Variants in SKAP2 observed in about 807,000 individuals in gnomAD.
The protein encoded by SKAP2 is src kinase associated phosphoprotein 2, also known as src kinase-associated phosphoprotein 2.
SKAP2 carries 28 observed loss-of-function variants against 54.9 expected under a neutral mutation model. The ratio of observed to expected loss-of-function variants is 0.51; its 90% confidence interval spans 0.38 to 0.70. SKAP2 has a LOEUF of 0.70. Ranked by LOEUF, SKAP2 falls within the 30% of genes least tolerant of loss-of-function variation. SKAP2 has a pLI of 0.00. For synonymous variants in SKAP2, 137 were observed against 134.3 expected (o/e 1.02, Z -0.14); for missense variants, 356 against 424.1 (o/e 0.84, Z 1.41).
chr7:26,706,119 AGATT>A (rs765201543), intron 9 of SKAP2, among the ~76,000 whole-genome samples: 61 of 152,306 alleles, frequency 4.0e-4, no homozygotes, highest in Admixed American at 1.3e-3. Flanking sequence ...TCTAACAAAT[AGATT>A]AACTGTCTCC....
chr7:26,716,105 A>C (rs1787428668), intron 9 of SKAP2, among the ~76,000 whole-genome samples: 1 of 152,214 alleles, frequency 6.6e-6, no homozygotes, highest in Non-Finnish European at 1.5e-5. Flanking sequence ...GTACTGAATG[A>C]ACAAATATTC....
At chr7:26,842,994 A>G (rs912835792) in intron 4 of SKAP2, among the ~76,000 whole-genome samples, 3 of 152,016 alleles carry the variant, frequency 2.0e-5, no homozygotes, top group Non-Finnish European at 2.9e-5. Context: ...TTCTGGATAT[A>G]AAAAAAGATT....
chr7:26,692,910 C>CA (rs1491309843), intron 9 of SKAP2, among the ~76,000 whole-genome samples: 2 of 152,124 alleles, frequency 1.3e-5, no homozygotes, highest in Non-Finnish European at 2.9e-5. Context: ...CCATAGCACC[C>CA]ACTCCCCTTT....
intron 4 of SKAP2, among the ~76,000 whole-genome samples, chr7:26,759,457 C>A (rs1782875645): frequency 6.6e-6 from 1 of 152,154 alleles, no homozygotes; most frequent in South Asian, 2.1e-4. Flanking sequence ...AATCCCTCTT[C>A]ATCTGCTTGA....
At position 26,762,489 on chromosome 7, in the gene SKAP2, CAT is replaced by C. The variant is rs1253628052; in HGVS notation, c.308-22527_308-22526del. ...TATGTACATGTATCATCCACACACA[CAT>C]GCAATACTGCCCAATATATCCTAAA... On this transcript the variant is annotated intron_variant, in intron 4 of 12. Transcript: ENST00000345317. Among the ~76,000 whole-genome samples the C allele has an allele frequency of 3.9e-5, 6 of 152,162 alleles. No homozygotes were observed. The East Asian group carries it at 5.8e-4, about 15-fold the overall frequency.
Position 26,844,139 on chromosome 7 carries a change from T to C in SKAP2, c.200-2A>G. On this transcript the variant is annotated splice_acceptor_variant, in intron 3 of 12. Transcript: ENST00000345317. LOFTEE classifies it high-confidence loss of function. ...ATTCTTCCCCATCTTCTGCATCACC[T>C]GTTAAAAAAAAAAAAAATCAGAGAA... The C allele has an allele frequency of 6.4e-7, 1 of 1,550,564 alleles. No homozygotes were observed. Among genetic ancestry groups the C allele is most frequent in the Non-Finnish European group, 8.8e-7 (1 of 1,135,510 alleles).
At chr7:26,709,664 G>A (rs1787249570) in intron 9 of SKAP2, among the ~76,000 whole-genome samples, 1 of 152,064 alleles carries the variant, frequency 6.6e-6, no homozygotes. Context: ...GTCACATTAA[G>A]TCCTTAGAGA....
intron 9 of SKAP2, among the ~76,000 whole-genome samples, chr7:26,700,924 C>T (rs1787009219): frequency 6.6e-6 from 1 of 152,162 alleles, no homozygotes; most frequent in South Asian, 2.1e-4. Flanking sequence ...GACAGTTTTA[C>T]CTGGGCCAGA....
intron 9 of SKAP2, among the ~76,000 whole-genome samples, chr7:26,722,322 C>T (rs544004471): frequency 6.8e-6 from 1 of 146,850 alleles, no homozygotes; most frequent in Non-Finnish European, 1.5e-5. Flanking sequence ...AAAACAATTA[C>T]AATGAAACAA....
At chr7:26,843,844 C>G (rs963850785) in intron 4 of SKAP2, among the ~76,000 whole-genome samples, 186 bp downstream of exon 4, 8 of 152,034 alleles carry the variant, frequency 5.3e-5, no homozygotes, top group African/African-American at 1.9e-4. Flanking sequence ...AGAAAAAGAA[C>G]CAACTACATA....
rs563055363 is a variant in SKAP2, at chr7:26,849,732, G to GA, written c.199+4404dup. Reference sequence around the variant, plus strand: ...GTAGACACTAACATTTTACAAATTTGAAAAAAAAATCTCATGAAACATTTG... The same window carrying GA: ...GTAGACACTAACATTTTACAAATTTGAAAAAAAAAATCTCATGAAACATTTG... On this transcript the variant is annotated intron_variant, in intron 3 of 12. Transcript: ENST00000345317. Among the ~76,000 whole-genome samples the GA allele has an allele frequency of 1.3e-3, 190 of 141,288 alleles. 2 individuals are homozygous for GA. In the South Asian group the frequency reaches 0.024, roughly 18 times the overall value. 92.7% of individuals were successfully genotyped at this position (141,288 alleles called of 152,430 possible). A position where few individuals can be genotyped will look rare whatever the true frequency, so the allele number is the denominator to read the frequency against.
intron 4 of SKAP2, among the ~76,000 whole-genome samples, chr7:26,756,161 T>C (rs1039403744): frequency 6.6e-6 from 1 of 152,230 alleles, no homozygotes; most frequent in Non-Finnish European, 1.5e-5. Flanking sequence ...TATAGTGATA[T>C]ACTTTTTTAA....
intron 11 of SKAP2, among the ~76,000 whole-genome samples, chr7:26,679,017 G>A (rs545143357): frequency 6.6e-6 from 1 of 152,260 alleles, no homozygotes. Context: ...TATCAACGTA[G>A]TGCTTTTCTT....
chr7:26,801,642 A>T (rs1283609690), intron 4 of SKAP2, among the ~76,000 whole-genome samples: 1 of 152,344 alleles, frequency 6.6e-6, no homozygotes, highest in East Asian at 1.9e-4. Flanking sequence ...TAGAACTGAG[A>T]AACAAATTCA....
chr7:26,672,234 C>T (rs1227324313), intron 11 of SKAP2, among the ~76,000 whole-genome samples: 1 of 151,996 alleles, frequency 6.6e-6, no homozygotes, highest in African/African-American at 2.4e-5. Context: ...CTACTTTGGT[C>T]ATAGTCTATG....
At chr7:26,710,548 T>C (rs192423351) in intron 9 of SKAP2, among the ~76,000 whole-genome samples, 91 of 152,050 alleles carry the variant, frequency 6.0e-4, no homozygotes, top group African/African-American at 2.1e-3. Context: ...AAATGTGAGG[T>C]TGGAAATGTA....
At chr7:26,666,968 G>A (rs1379494384), downstream of SKAP2, 2 of 152,096 alleles carry the variant, frequency 1.3e-5, no homozygotes, top group African/African-American at 4.8e-5. Flanking sequence ...ACCTTGTTGT[G>A]CTTAATTACT....
intron 4 of SKAP2, among the ~76,000 whole-genome samples, chr7:26,803,592 A>G (rs931217603): frequency 1.3e-5 from 2 of 152,218 alleles, no homozygotes; most frequent in African/African-American, 2.4e-5. Context: ...TTGAGGTACC[A>G]TAGGATCCAG....
chr7:26,702,129 G>C (rs1787040859), intron 9 of SKAP2, among the ~76,000 whole-genome samples: 1 of 151,998 alleles, frequency 6.6e-6, no homozygotes, highest in Non-Finnish European at 1.5e-5. Flanking sequence ...TTTAAAATAT[G>C]CCACTTCCAT....
Sources: gnomAD v4.1 joint callset for allele counts (sites outside exome capture counted in the v4.1 genomes callset) on GRCh38, gnomAD v4.1.1 for gene constraint, MANE v1.5 for transcripts, NCBI Gene and HGNC (gene_info 2026-07-23, HGNC 2026-07-21) for gene names.